ZFYVE26: variants seen among roughly 807,000 people sequenced by gnomAD.
ZFYVE26 encodes the protein zinc finger FYVE domain-containing protein 26.
A neutral mutation model predicts 276.5 loss-of-function variants in ZFYVE26; 181 were observed. That is an observed-to-expected ratio of 0.65 (90% confidence interval 0.58 to 0.74). The LOEUF (loss-of-function observed/expected upper bound fraction) is 0.74, where lower values mean the gene tolerates loss of function less well. Ranked by LOEUF, ZFYVE26 falls within the 30% of genes least tolerant of loss-of-function variation. The probability of loss-of-function intolerance (pLI) is 0.00; values close to 1 mark genes in which losing one functional copy is unlikely to be tolerated. For missense variants in ZFYVE26, 2,821 were observed against 3,097.9 expected, an observed-to-expected ratio of 0.91 and a Z score of 2.12; for synonymous variants, 1,129 against 1,203.1, an observed-to-expected ratio of 0.94 and a Z score of 1.27.
chr14:67,735,049 C>T (rs2038335735), intron 13 of ZFYVE26: 4 of 669,098 alleles, frequency 6.0e-6, no homozygotes, highest in Admixed American at 2.1e-5. Flanking sequence ...TTATTAGATG[C>T]ACTTACAACC....
At position 67,784,339 on chromosome 14, in the gene ZFYVE26, T is replaced by C. The variant is rs776692192; in HGVS notation, c.3621A>G (p.Pro1207=). 13 of 1,614,006 alleles carry C rather than the reference T, an allele frequency of 8.1e-6. No homozygotes were observed. The highest frequency in any genetic ancestry group is 1.1e-5 in the Non-Finnish European group (13 of 1,179,914). ...TGCATGGAGGTGGCTCCTACCTCTCTGGGGGAACTTGTCTCTCAAACAGGA... is the reference window on the plus strand; with the variant it reads ...TGCATGGAGGTGGCTCCTACCTCTCCGGGGGAACTTGTCTCTCAAACAGGA... The part of the protein sequence containing the change: ...SHLLFERQVP[P]ERLAALLAQE... The change falls in exon 20 of 42, where the codon CCA becomes CCG. Residue 1207 remains proline (P), a synonymous_variant. Coordinates refer to ENST00000347230, the MANE Select transcript of ZFYVE26 (RefSeq NM_015346.4).
At chr14:67,784,247 C>A in intron 20 of ZFYVE26, 87 bp downstream of exon 20, 1 of 1,130,756 alleles carries the variant, frequency 8.8e-7, no homozygotes, top group Non-Finnish European at 1.3e-6. Context: ...TCTGTGCTAA[C>A]CCCAAGCACC....
chr14:67,777,438 G>A, intron 25 of ZFYVE26, 121 bp downstream of exon 25: 1 of 1,527,506 alleles, frequency 6.5e-7, no homozygotes, highest in South Asian at 1.2e-5. Context: ...CATTGAAAAG[G>A]CAAGTTCTGA....
At chr14:67,769,566 A>C (rs765311595) in intron 29 of ZFYVE26, 28 bp downstream of exon 29, 1 of 1,611,996 alleles carries the variant, frequency 6.2e-7, no homozygotes, top group Non-Finnish European at 8.5e-7. Context: ...GGTCAATAAT[A>C]GCAACAGCCC....
chr14:67,775,797 T>G, intron 26 of ZFYVE26, 63 bp downstream of exon 26: 1 of 1,612,300 alleles, frequency 6.2e-7, no homozygotes, highest in Non-Finnish European at 8.5e-7. Flanking sequence ...AAATTAAAAC[T>G]AAGAATGCAG....
intron 34 of ZFYVE26, 30 bp from the exon 35 acceptor site, chr14:67,761,614 T>C: frequency 6.2e-7 from 1 of 1,602,364 alleles, no homozygotes; most frequent in East Asian, 2.2e-5. Context: ...GAGAGAAAAA[T>C]GAAACTCAAA....
At chr14:67,759,898 A>G (rs1235454645) in intron 35 of ZFYVE26, among the ~76,000 whole-genome samples, 1 of 152,174 alleles carries the variant, frequency 6.6e-6, no homozygotes, top group Non-Finnish European at 1.5e-5. Context: ...CAAAATACAC[A>G]GGGAAAAGGC....
Position 67,735,280 on chromosome 14 carries a change from G to C in ZFYVE26, n.2680-5461C>G, listed in dbSNP as rs1482141851. On this transcript the variant is annotated intron_variant and non_coding_transcript_variant, in intron 13 of 14. Coordinates refer to the ZFYVE26 transcript ENST00000394455. ...AGCACTACTCCTTCAGAATCGCCTC[G>C]TGCTCAGGCTACATCTCACCTCTCT... 3.2e-6 allele frequency: 3 copies of C among 939,470 alleles called. No homozygotes were observed. In the African/African-American group the frequency reaches 4.8e-5, roughly 15 times the overall value. The allele number at this position is 939,470 out of a possible 1,614,324, so 58.2% of individuals were successfully genotyped here.
At chr14:67,734,114 A>C in intron 13 of ZFYVE26, 1 of 359,552 alleles carries the variant, frequency 2.8e-6, no homozygotes, top group Non-Finnish European at 5.4e-6. Context: ...AGGACTGGGC[A>C]GATCCCAGGC....
In ZFYVE26 at chr14:67,807,468, C is replaced by G. The variant is rs1186294289; in HGVS notation, c.816G>C (p.Leu272=). ...CTGCATAGGTATGGCCATACAGGGACAGCAGGCCCCGGCTGGCCTTGTGCA... is the reference window on the plus strand; with the variant it reads ...CTGCATAGGTATGGCCATACAGGGAGAGCAGGCCCCGGCTGGCCTTGTGCA... ...CLLHKASRGL[L]SLYGHTYAEK... Residue 272 remains leucine, a synonymous_variant, in exon 5 of 42, where the codon CTG becomes CTC. Transcript: ENST00000347230. 1 of 1,614,162 alleles carries G rather than the reference C, an allele frequency of 6.2e-7. No individual in the cohort carries two copies. The highest frequency in any genetic ancestry group is 1.3e-5 in the African/African-American group (1 of 75,052).
chr14:67,815,532 G>C, intron 2 of ZFYVE26: 1 of 580,734 alleles, frequency 1.7e-6, no homozygotes, highest in South Asian at 1.9e-5. Context: ...AGAAATGGCA[G>C]TTTCAGGCAC....
At chr14:67,800,889 G>A (rs1594932779) in intron 10 of ZFYVE26, among the ~76,000 whole-genome samples, 1 of 151,002 alleles carries the variant, frequency 6.6e-6, no homozygotes, top group East Asian at 1.9e-4. Flanking sequence ...TCATATAATG[G>A]CATTAGAACA....
chr14:67,775,264 A>T, intron 26 of ZFYVE26, 150 bp from the exon 27 acceptor site: 1 of 586,598 alleles, frequency 1.7e-6, no homozygotes. Context: ...AGGTACCTCT[A>T]AGCCCATAGC....
Position 67,767,827 on chromosome 14 carries a change from G to A in ZFYVE26, c.5667C>T (p.Ser1889=). 6.2e-7 allele frequency: 1 copy of A among 1,614,142 alleles called. No individual in the cohort carries two copies. The highest frequency in any genetic ancestry group is 8.5e-7 in the Non-Finnish European group (1 of 1,180,038). ...PSEKPEALDS[S]KNESPPYSFV... is the part of the protein sequence containing the mutation. ...ACGAGTATGGAGGGCTTTCATTCTT[G>A]GAGCTGTCTAGAGCTGAGAAGAGAA... Residue 1889 remains serine, a synonymous_variant, in exon 31 of 42, where the codon TCC becomes TCT. Coordinates refer to ENST00000347230, the MANE Select transcript of ZFYVE26 (RefSeq NM_015346.4).
chr14:67,757,485 C>T (rs567742815), intron 35 of ZFYVE26, among the ~76,000 whole-genome samples: 1 of 152,320 alleles, frequency 6.6e-6, no homozygotes, highest in South Asian at 2.1e-4. Context: ...GAGCTTTACT[C>T]AGATGTCACC....
At chr14:67,735,004 T>C (rs776758207) in intron 13 of ZFYVE26, among the ~76,000 whole-genome samples, 4 of 152,128 alleles carry the variant, frequency 2.6e-5, no homozygotes, top group Non-Finnish European at 5.9e-5. Flanking sequence ...CTAGAGAAAA[T>C]ATTTTAAATC....
intron 9 of ZFYVE26, 120 bp downstream of exon 9, chr14:67,803,980 AC>A (rs956534015): frequency 7.6e-7 from 1 of 1,322,470 alleles, no homozygotes; most frequent in African/African-American, 1.4e-5. Flanking sequence ...TTTAGAGGAG[AC>A]CTCCTCACCA....
At chr14:67,808,131 A>G (rs2040224400) in intron 4 of ZFYVE26, among the ~76,000 whole-genome samples, 1 of 152,216 alleles carries the variant, frequency 6.6e-6, no homozygotes, top group Non-Finnish European at 1.5e-5. Flanking sequence ...AGAGGAAGAC[A>G]CTACTATTAC....
At chr14:67,766,534 T>C (rs2039064635) in intron 31 of ZFYVE26, 87 bp from the exon 32 acceptor site, 1 of 1,288,504 alleles carries the variant, frequency 7.8e-7, no homozygotes, top group South Asian at 1.2e-5. Context: ...GAAATTATCC[T>C]TCCCCTTTCA....
Sources: gnomAD v4.1 joint callset for allele counts (sites outside exome capture counted in the v4.1 genomes callset) on GRCh38, gnomAD v4.1.1 for gene constraint, MANE v1.5 for transcripts, NCBI Gene and HGNC (gene_info 2026-07-23, HGNC 2026-07-21) for gene names.